Variants in GRM7 observed in about 807,000 individuals in gnomAD.
GRM7 encodes glutamate metabotropic receptor 7, also known as metabotropic glutamate receptor 7.
In GRM7, 35 loss-of-function variants were observed where a neutral mutation model predicts 84.5. The observed-to-expected ratio is 0.41, with a 90% CI of 0.32 to 0.55. The LOEUF (loss-of-function observed/expected upper bound fraction) is 0.55, where lower values mean the gene tolerates loss of function less well. Among genes scored for constraint, GRM7 ranks in the 20% least tolerant of loss-of-function variants. GRM7 has a pLI of 0.19. For missense variants in GRM7, 1,003 were observed against 1,194.6 expected (o/e 0.84, Z 2.36); for synonymous variants, 487 against 455.1 (o/e 1.07, Z -0.89).
chr3:6,932,908 C>T (rs920210713), intron 1 of GRM7, among the ~76,000 whole-genome samples: 4 of 151,622 alleles, frequency 2.6e-5, no homozygotes, highest in African/African-American at 7.3e-5. Context: ...GCACCTACCA[C>T]CATGCCCGGC....
chr3:7,346,443 A>G (rs1692898610), intron 4 of GRM7, among the ~76,000 whole-genome samples: 1 of 152,276 alleles, frequency 6.6e-6, no homozygotes, highest in South Asian at 2.1e-4. Flanking sequence ...TGAAATACTG[A>G]GGAAAACCCA....
intron 2 of GRM7, among the ~76,000 whole-genome samples, chr3:7,204,657 C>G (rs112219467): frequency 7.2e-5 from 11 of 152,320 alleles, no homozygotes; most frequent in African/African-American, 2.4e-4. Context: ...ATAGGAAGAC[C>G]TGGGTAAAGT....
chr3:7,294,773 T>C (rs1024485898), intron 2 of GRM7, among the ~76,000 whole-genome samples: 9 of 152,312 alleles, frequency 5.9e-5, no homozygotes, highest in Admixed American at 5.9e-4. Flanking sequence ...TCACAGGCTT[T>C]ACACAAACTG....
intron 8 of GRM7, among the ~76,000 whole-genome samples, chr3:7,598,543 A>C (rs1696157645): frequency 1.3e-5 from 2 of 152,238 alleles, no homozygotes. Context: ...ATCAGTTATC[A>C]TGAAAGAAAT....
chr3:7,583,039 A>C (rs564042550), intron 8 of GRM7, among the ~76,000 whole-genome samples: 1 of 152,312 alleles, frequency 6.6e-6, no homozygotes, highest in East Asian at 1.9e-4. Flanking sequence ...GGAATCAATT[A>C]ACTGCCATTT....
intron 1 of GRM7, among the ~76,000 whole-genome samples, chr3:7,048,947 T>G (rs1053435185): frequency 1.3e-5 from 2 of 152,000 alleles, no homozygotes; most frequent in African/African-American, 4.8e-5. Context: ...CTCTTTCCTT[T>G]AAGAATTTGT....
intron 5 of GRM7, among the ~76,000 whole-genome samples, chr3:7,436,742 T>G (rs901410213): frequency 2.0e-5 from 3 of 152,226 alleles, no homozygotes; most frequent in Non-Finnish European, 4.4e-5. Context: ...TTCACACTTC[T>G]GCTTTTTTCA....
At chr3:7,662,556 T>C (rs994546734) in intron 8 of GRM7, among the ~76,000 whole-genome samples, 2 of 152,202 alleles carry the variant, frequency 1.3e-5, no homozygotes, top group East Asian at 1.9e-4. Flanking sequence ...TTGTATCATA[T>C]GTTAGATGAT....
chr3:7,626,646 G>A (rs1575569706), intron 8 of GRM7, among the ~76,000 whole-genome samples: 1 of 152,152 alleles, frequency 6.6e-6, no homozygotes, highest in Admixed American at 6.5e-5. Context: ...GCATAGTGGT[G>A]ATCCTTCTGT....
intron 8 of GRM7, among the ~76,000 whole-genome samples, chr3:7,595,839 G>T (rs1037783758): frequency 8.9e-4 from 136 of 152,212 alleles, no homozygotes; most frequent in African/African-American, 3.0e-3. Flanking sequence ...GAGTCCAGGA[G>T]GGGGCAGGAT....
chr3:6,914,561 C>G (rs976940240), intron 1 of GRM7, among the ~76,000 whole-genome samples: 22 of 152,100 alleles, frequency 1.4e-4, no homozygotes, highest in Non-Finnish European at 2.9e-4. Context: ...CACCAGCACG[C>G]CTGGCTAATT....
At chr3:7,603,743 G>C (rs1193764614) in intron 8 of GRM7, among the ~76,000 whole-genome samples, 1 of 152,040 alleles carries the variant, frequency 6.6e-6, no homozygotes, top group Non-Finnish European at 1.5e-5. Flanking sequence ...TGAGACTCAA[G>C]TTAATTTGAC....
chr3:7,530,186 T>C (rs1207044639), intron 7 of GRM7, among the ~76,000 whole-genome samples: 2 of 144,148 alleles, frequency 1.4e-5, no homozygotes. Flanking sequence ...AGTGAGGACA[T>C]GCAGTGTTTG....
intron 8 of GRM7, among the ~76,000 whole-genome samples, chr3:7,598,481 T>C (rs1696154963): frequency 6.6e-6 from 1 of 152,212 alleles, no homozygotes; most frequent in Non-Finnish European, 1.5e-5. Context: ...AAAGATACAA[T>C]GACTGACTCG....
chr3:7,584,012 ACAT>A (rs1436533496), intron 8 of GRM7, among the ~76,000 whole-genome samples: 1 of 152,210 alleles, frequency 6.6e-6, no homozygotes, highest in Admixed American at 6.5e-5. Context: ...AAGGACAGGA[ACAT>A]GGAGAAGGAG....
chr3:7,429,544 C>T (rs190565467), intron 5 of GRM7, among the ~76,000 whole-genome samples: 1 of 152,212 alleles, frequency 6.6e-6, no homozygotes, highest in East Asian at 1.9e-4. Flanking sequence ...TGAGAGTCTT[C>T]AAATTGTTTT....
At chr3:6,933,919 C>G (rs1335137321) in intron 1 of GRM7, among the ~76,000 whole-genome samples, 1 of 152,026 alleles carries the variant, frequency 6.6e-6, no homozygotes, top group African/African-American at 2.4e-5. Context: ...TTTTGTTCAA[C>G]TAAGTGATTC....
intron 7 of GRM7, among the ~76,000 whole-genome samples, chr3:7,473,487 AG>A: frequency 9.4e-6 from 1 of 106,448 alleles, no homozygotes; most frequent in Admixed American, 1.1e-4. Context: ...TAAAAACGAG[AG>A]GGAGAGAGAG....
intron 7 of GRM7, among the ~76,000 whole-genome samples, chr3:7,485,981 A>G (rs187002662): frequency 6.6e-6 from 1 of 152,318 alleles, no homozygotes. Flanking sequence ...TTAAGACATA[A>G]ATGAATGTGT....
Sources: allele counts gnomAD v4.1 joint callset (sites outside exome capture counted in the v4.1 genomes callset), GRCh38; gene constraint gnomAD v4.1.1; transcripts MANE v1.5; gene names NCBI Gene and HGNC (gene_info 2026-07-23, HGNC 2026-07-21).